UBE3C: variants seen among roughly 807,000 people sequenced by gnomAD.
The protein encoded by UBE3C is ubiquitin protein ligase E3C.
Under a neutral mutation model 129.4 loss-of-function variants are expected in UBE3C, and 42 were observed. The observed-to-expected ratio is 0.32, with a 90% CI of 0.25 to 0.42. The LOEUF (loss-of-function observed/expected upper bound fraction) is 0.42, where lower values mean the gene tolerates loss of function less well. Among genes scored for constraint, UBE3C ranks in the 10% least tolerant of loss-of-function variants. The pLI is 1.00. For missense variants in UBE3C, 1,049 were observed against 1,319.1 expected, an observed-to-expected ratio of 0.80 and a Z score of 3.17; for synonymous variants, 510 against 492.4, an observed-to-expected ratio of 1.04 and a Z score of -0.47.
chr7:157,187,818 C>T (rs1276666540), intron 10 of UBE3C, among the ~76,000 whole-genome samples: 15 of 152,130 alleles, frequency 9.9e-5, no homozygotes, highest in East Asian at 3.9e-4. Flanking sequence ...CCTTGTGATC[C>T]GCCTGCCTCG....
rs1320550526 is a variant in UBE3C, at chr7:157,200,749, C to T, written c.1332-972C>T. Among the ~76,000 whole-genome samples, 3 of 152,030 alleles carry T rather than the reference C, an allele frequency of 2.0e-5. No homozygotes were observed. In the East Asian group the frequency reaches 5.8e-4, roughly 29 times the overall value. On this transcript the variant is annotated intron_variant, in intron 10 of 22. Coordinates refer to ENST00000348165, the MANE Select transcript of UBE3C (RefSeq NM_014671.3). Reference sequence around the variant, plus strand: ...TCCTGGGCTCTATCGATTCTCCTACCTCAACCTCATGAGTAGCTGGGACTA... The same window carrying T: ...TCCTGGGCTCTATCGATTCTCCTACTTCAACCTCATGAGTAGCTGGGACTA...
chr7:157,211,973 G>A (rs929095995), intron 13 of UBE3C, among the ~76,000 whole-genome samples: 1 of 152,194 alleles, frequency 6.6e-6, no homozygotes, highest in African/African-American at 2.4e-5. Context: ...CTCACTTGAG[G>A]AAAACGGTTG....
chr7:157,242,516 T>TGTTG (rs398048214), intron 18 of UBE3C, among the ~76,000 whole-genome samples: 57 of 127,826 alleles, frequency 4.5e-4, no homozygotes, highest in African/African-American at 7.3e-4. Context: ...CCTGAGTTGT[T>TGTTG]TTTTTTTTTT....
At chr7:157,209,672 T>G (rs1358298009) in intron 13 of UBE3C, among the ~76,000 whole-genome samples, 1 of 152,214 alleles carries the variant, frequency 6.6e-6, no homozygotes, top group African/African-American at 2.4e-5. Flanking sequence ...ATCAGATAAT[T>G]TCACTGTTTT....
chr7:157,201,653 T>C, intron 10 of UBE3C, 68 bp from the exon 11 acceptor site: 1 of 678,240 alleles, frequency 1.5e-6, no homozygotes, highest in East Asian at 4.8e-5. Context: ...TTTTTTTTTT[T>C]TTTTTAAGAA....
intron 4 of UBE3C, among the ~76,000 whole-genome samples, chr7:157,171,445 T>A (rs184904565): frequency 0.01 from 1,551 of 151,614 alleles, 24 homozygotes; most frequent in African/African-American, 0.035. Flanking sequence ...CTCATGTTTT[T>A]AAAAAAAATC....
At chr7:157,262,655 C>T (rs1341959084) in intron 22 of UBE3C, among the ~76,000 whole-genome samples, 2 of 151,846 alleles carry the variant, frequency 1.3e-5, no homozygotes, top group African/African-American at 4.8e-5. Context: ...TCCTGACCTC[C>T]GGTGATCCAC....
At chr7:157,244,391 A>C (rs908252671) in intron 18 of UBE3C, among the ~76,000 whole-genome samples, 1 of 152,228 alleles carries the variant, frequency 6.6e-6, no homozygotes, top group African/African-American at 2.4e-5. Flanking sequence ...TGTTGCTATT[A>C]GTATACATTC....
Position 157,219,997 on chromosome 7 carries a change from G to A in UBE3C, c.1915-692G>A, listed in dbSNP as rs1161879145. Reference sequence around the variant, plus strand: ...ATGCTGAGGCAGGTGGCTTGCTTAAGCTCAGGAGTTCAAGACCAGTCTGGG... The same window carrying A: ...ATGCTGAGGCAGGTGGCTTGCTTAAACTCAGGAGTTCAAGACCAGTCTGGG... On this transcript the variant is annotated intron_variant, in intron 14 of 22. Coordinates refer to ENST00000348165, the MANE Select transcript of UBE3C (RefSeq NM_014671.3). Among the ~76,000 whole-genome samples the A allele has an allele frequency of 1.1e-4, 16 of 152,084 alleles. 1 individual carries two copies. Among genetic ancestry groups the A allele is most frequent in the Admixed American group, 1.0e-3 (16 of 15,264 alleles).
chr7:157,180,022 G>A (rs1303054120), intron 6 of UBE3C, among the ~76,000 whole-genome samples: 1 of 152,108 alleles, frequency 6.6e-6, no homozygotes, highest in Non-Finnish European at 1.5e-5. Flanking sequence ...ATTTGTATTT[G>A]TTTTCTAAAA....
At chr7:157,235,358 A>C (rs917160033) in intron 18 of UBE3C, among the ~76,000 whole-genome samples, 1 of 152,236 alleles carries the variant, frequency 6.6e-6, no homozygotes, top group African/African-American at 2.4e-5. Context: ...TACACAGTAC[A>C]GTCACAGAAG....
At chr7:157,205,008 T>C (rs1809394123) in intron 11 of UBE3C, among the ~76,000 whole-genome samples, 1 of 152,240 alleles carries the variant, frequency 6.6e-6, no homozygotes, top group Admixed American at 6.5e-5. Flanking sequence ...GTCTCACTGA[T>C]GGTCAGTAAT....
At chr7:157,241,832 A>G (rs1055724782) in intron 18 of UBE3C, among the ~76,000 whole-genome samples, 5 of 152,234 alleles carry the variant, frequency 3.3e-5, no homozygotes. Context: ...CTGGGCCGTA[A>G]AAAGGGGTAA....
chr7:157,164,546 T>C (rs1263286921), intron 2 of UBE3C: 1 of 433,098 alleles, frequency 2.3e-6, no homozygotes, highest in Non-Finnish European at 4.7e-6. Flanking sequence ...AGAAAGACAC[T>C]AATGACATTT....
intron 1 of UBE3C, among the ~76,000 whole-genome samples, chr7:157,162,713 A>G (rs1203516191): frequency 6.7e-6 from 1 of 150,190 alleles, no homozygotes; most frequent in Non-Finnish European, 1.5e-5. Context: ...CTATTTTTAA[A>G]AAGTTTTTGT....
intron 3 of UBE3C, among the ~76,000 whole-genome samples, chr7:157,169,791 C>T (rs1459691640): frequency 6.6e-6 from 1 of 152,214 alleles, no homozygotes; most frequent in Non-Finnish European, 1.5e-5. Flanking sequence ...AGCTATTCTC[C>T]TGCCCCAGCC....
At chr7:157,257,785 A>G (rs1409946464) in intron 22 of UBE3C, among the ~76,000 whole-genome samples, 1 of 150,574 alleles carries the variant, frequency 6.6e-6, no homozygotes, top group East Asian at 1.9e-4. Context: ...ACGTCTAATC[A>G]TAATTCCTGT....
chr7:157,237,988 G>T (rs1305814509), intron 18 of UBE3C, among the ~76,000 whole-genome samples: 1 of 151,988 alleles, frequency 6.6e-6, no homozygotes, highest in Admixed American at 6.5e-5. Context: ...AAATGTAGAG[G>T]CTGCAGTGAG....
chr7:157,219,946 C>T (rs1342586863), intron 14 of UBE3C, among the ~76,000 whole-genome samples: 1 of 151,284 alleles, frequency 6.6e-6, no homozygotes, highest in Non-Finnish European at 1.5e-5. Context: ...TGTGGTGGCT[C>T]ACGCCTGTGA....
Sources: gnomAD v4.1 joint callset for allele counts (sites outside exome capture counted in the v4.1 genomes callset) on GRCh38, gnomAD v4.1.1 for gene constraint, MANE v1.5 for transcripts, NCBI Gene and HGNC (gene_info 2026-07-23, HGNC 2026-07-21) for gene names.